The following LRFN2 variants were observed in gnomAD, a reference collection of about 807,000 sequenced individuals.
LRFN2 encodes leucine rich repeat and fibronectin type III domain containing 2.
A neutral mutation model predicts 37.3 loss-of-function variants in LRFN2; 18 were observed. The observed-to-expected ratio is 0.48, with a 90% CI of 0.33 to 0.72. The LOEUF is 0.72. Ranked by LOEUF, LRFN2 falls within the 30% of genes least tolerant of loss-of-function variation. LRFN2 has a pLI of 0.02. For synonymous variants in LRFN2, 556 were observed against 466.6 expected, an observed-to-expected ratio of 1.19 and a Z score of -2.47; for missense variants, 1,006 against 1,060.7, an observed-to-expected ratio of 0.95 and a Z score of 0.72.
At position 40,585,625 on chromosome 6, in the gene LRFN2, C is replaced by T. The variant is rs559667107; in HGVS notation, c.-19+1316G>A. On this transcript the variant is annotated intron_variant, in intron 1 of 2. Transcript: ENST00000338305. ...TTGCTCCCCACCTTGAGTTCCAAAT[C>T]GGCCCCCACACAAGAATAACAGCCC... is the stretch of plus-strand genomic sequence containing the variant. 2.0e-5 allele frequency among the ~76,000 whole-genome samples: 3 copies of T among 152,286 alleles called. No individual in the cohort carries two copies. The South Asian group carries it at 6.2e-4, about 32-fold the overall frequency.
intron 1 of LRFN2, among the ~76,000 whole-genome samples, chr6:40,471,415 G>A (rs1764591947): frequency 6.6e-6 from 1 of 152,138 alleles, no homozygotes; most frequent in African/African-American, 2.4e-5. Context: ...CATGCCATGG[G>A]GAGCTCTGCA....
At chr6:40,578,527 A>G (rs1767336221) in intron 1 of LRFN2, among the ~76,000 whole-genome samples, 1 of 152,228 alleles carries the variant, frequency 6.6e-6, no homozygotes, top group Non-Finnish European at 1.5e-5. Flanking sequence ...GTTGCAAGGG[A>G]CAAATGAGAT....
At chr6:40,450,580 A>G (rs1342240309) in intron 1 of LRFN2, among the ~76,000 whole-genome samples, 1 of 152,212 alleles carries the variant, frequency 6.6e-6, no homozygotes, top group African/African-American at 2.4e-5. Flanking sequence ...CAAAGTGTGC[A>G]GTGTTTGTCC....
chr6:40,528,980 TGGCTCCTGCTTCTCTAGCAGGCAGG>T (rs1431732996), intron 1 of LRFN2, among the ~76,000 whole-genome samples: 5 of 152,130 alleles, frequency 3.3e-5, no homozygotes, highest in African/African-American at 1.2e-4. Context: ...ACTGCCTGGG[TGGCTCCTGCTTCTCTAGCAGGCAGG>T]GGCTCCCCAC....
chr6:40,554,616 C>A (rs975157516), intron 1 of LRFN2, among the ~76,000 whole-genome samples: 4 of 152,178 alleles, frequency 2.6e-5, no homozygotes, highest in Non-Finnish European at 5.9e-5. Context: ...CCTCTCCAGG[C>A]CACCCCTTCA....
intron 1 of LRFN2, among the ~76,000 whole-genome samples, chr6:40,561,271 G>A (rs938606266): frequency 8.5e-5 from 13 of 152,216 alleles, no homozygotes; most frequent in Middle Eastern, 3.2e-3. Context: ...TGGGGTGCAG[G>A]AGAGCTGGCC....
intron 2 of LRFN2, among the ~76,000 whole-genome samples, chr6:40,423,613 C>T (rs1763279869): frequency 6.6e-6 from 1 of 152,190 alleles, no homozygotes; most frequent in South Asian, 2.1e-4. Context: ...TACCTGCCTT[C>T]CTATCTTCTC....
intron 1 of LRFN2, among the ~76,000 whole-genome samples, chr6:40,498,953 C>T (rs1765304407): frequency 6.6e-6 from 1 of 152,222 alleles, no homozygotes; most frequent in African/African-American, 2.4e-5. Flanking sequence ...GCATGGTTCC[C>T]ATCCTCAGAC....
At chr6:40,441,532 T>G (rs1265118046) in intron 1 of LRFN2, among the ~76,000 whole-genome samples, 2 of 152,182 alleles carry the variant, frequency 1.3e-5, no homozygotes, top group Non-Finnish European at 2.9e-5. Flanking sequence ...GGAGCACAGC[T>G]TGTTTGTTCA....
intron 2 of LRFN2, among the ~76,000 whole-genome samples, chr6:40,419,664 G>T (rs527771453): frequency 6.6e-6 from 1 of 152,132 alleles, no homozygotes; most frequent in Non-Finnish European, 1.5e-5. Context: ...GACTGGGCCT[G>T]ATCATTCCTG....
chr6:40,555,162 C>T lies in LRFN2; in HGVS notation c.-19+31779G>A, dbSNP rs911615857. Among the ~76,000 whole-genome samples the T allele has an allele frequency of 3.3e-5, 5 of 152,200 alleles. No homozygotes were observed. The East Asian group carries it at 9.7e-4, about 29-fold the overall frequency. ...CTCTGCTGGGGGCCCCTCTCCTGCT[C>T]CTGCTCAGCACCCCGCAAGGGCAAG... On this transcript the variant is annotated intron_variant, in intron 1 of 2. Transcript: ENST00000338305.
intron 1 of LRFN2, among the ~76,000 whole-genome samples, chr6:40,487,075 T>C (rs1391155432): frequency 6.6e-6 from 1 of 152,092 alleles, no homozygotes; most frequent in African/African-American, 2.4e-5. Flanking sequence ...CTGTGTTCTT[T>C]CTAGTCTGTT....
intron 1 of LRFN2, among the ~76,000 whole-genome samples, chr6:40,433,834 C>T (rs1182175400): frequency 6.6e-6 from 1 of 152,112 alleles, no homozygotes; most frequent in Non-Finnish European, 1.5e-5. Context: ...GGAGTGAATT[C>T]TGAACCCTTC....
chr6:40,561,838 G>A (rs921710004), intron 1 of LRFN2, among the ~76,000 whole-genome samples: 5 of 152,044 alleles, frequency 3.3e-5, no homozygotes, highest in African/African-American at 1.2e-4. Context: ...AATACAGCAG[G>A]CCTGGGAGGC....
chr6:40,517,410 A>G (rs986209493), intron 1 of LRFN2: 3 of 152,104 alleles, frequency 2.0e-5, no homozygotes, highest in Admixed American at 6.6e-5. Flanking sequence ...TAAAATGCAC[A>G]CCTTTCCACT....
intron 1 of LRFN2, among the ~76,000 whole-genome samples, chr6:40,545,479 C>T (rs977907470): frequency 6.6e-6 from 1 of 152,220 alleles, no homozygotes; most frequent in African/African-American, 2.4e-5. Flanking sequence ...TTGTATTCCC[C>T]TCTCTCTCAT....
intron 2 of LRFN2, among the ~76,000 whole-genome samples, chr6:40,406,560 C>T (rs1356505913): frequency 6.6e-6 from 1 of 152,140 alleles, no homozygotes; most frequent in African/African-American, 2.4e-5. Context: ...TGCTCATCAG[C>T]GCCTCCATAG....
intron 1 of LRFN2, among the ~76,000 whole-genome samples, chr6:40,532,537 T>C (rs150708632): frequency 0.015 from 2,260 of 152,280 alleles, 18 homozygotes; most frequent in Non-Finnish European, 0.021. Context: ...GTGGCATAGT[T>C]GAAGATTAAA....
rs1023565607 is a variant in LRFN2 at position 40,522,304 on chromosome 6, G to C, written c.-19+64637C>G. Reference sequence around the variant, plus strand: ...AGGGTGCCCAGGAAGGTGGACAACAGCAAGGAAGTTGGGGTATTTGAGTGG... The same window carrying C: ...AGGGTGCCCAGGAAGGTGGACAACACCAAGGAAGTTGGGGTATTTGAGTGG... On this transcript the variant is annotated intron_variant, in intron 1 of 2. Transcript: ENST00000338305. Among the ~76,000 whole-genome samples the C allele has an allele frequency of 3.0e-4, 46 of 152,208 alleles. 1 individual carries two copies. The highest frequency in any genetic ancestry group is 1.1e-3 in the African/African-American group (44 of 41,448).
Sources: allele counts gnomAD v4.1 joint callset (sites outside exome capture counted in the v4.1 genomes callset), GRCh38; gene constraint gnomAD v4.1.1; transcripts MANE v1.5; gene names NCBI Gene and HGNC (gene_info 2026-07-23, HGNC 2026-07-21).